The following CACUL1 variants were observed in gnomAD, a reference collection of about 807,000 sequenced individuals.
The protein encoded by CACUL1 is CDK2 associated cullin domain 1, also known as CDK2-associated and cullin domain-containing protein 1.
Under a neutral mutation model 45.2 loss-of-function variants are expected in CACUL1, and 13 were observed. That is an observed-to-expected ratio of 0.29 (90% confidence interval 0.19 to 0.46). The LOEUF (loss-of-function observed/expected upper bound fraction) is 0.46. Ranked by LOEUF, CACUL1 falls within the 20% of genes least tolerant of loss-of-function variation. CACUL1 has a pLI of 1.00. For synonymous variants in CACUL1, 197 were observed against 174.2 expected (o/e 1.13, Z -1.03); for missense variants, 421 against 471.4 (o/e 0.89, Z 0.99).
chr10:118,730,529 C>G (rs1845687825), intron 1 of CACUL1, 119 bp from the exon 2 acceptor site: 1 of 934,254 alleles, frequency 1.1e-6, no homozygotes, highest in African/African-American at 1.7e-5. Context: ...CACTGACACT[C>G]TATCACCTAA....
chr10:118,724,592 T>C lies in CACUL1; in HGVS notation c.597+4703A>G, dbSNP rs140198104. Among the ~76,000 whole-genome samples the C allele has an allele frequency of 4.0e-3, 615 of 152,306 alleles. 7 individuals are homozygous for C. The highest frequency in any genetic ancestry group is 0.014 in the African/African-American group (595 of 41,576). On this transcript the variant is annotated intron_variant, in intron 3 of 8. Coordinates refer to ENST00000369151, the MANE Select transcript of CACUL1 (RefSeq NM_153810.5). ...GGAAAGCAATAAATAGTATTTTAGA[T>C]TTTTGAACAAGAAAGTATGTCTATC... is the stretch of plus-strand genomic sequence containing the variant.
chr10:118,739,480 G>A (rs1370893908), intron 1 of CACUL1, among the ~76,000 whole-genome samples: 1 of 152,154 alleles, frequency 6.6e-6, no homozygotes, highest in Non-Finnish European at 1.5e-5. Context: ...AGTTAATGAA[G>A]CAATACTTTT....
At chr10:118,702,990 G>A (rs1328202694) in intron 4 of CACUL1, among the ~76,000 whole-genome samples, 1 of 151,826 alleles carries the variant, frequency 6.6e-6, no homozygotes, top group Non-Finnish European at 1.5e-5. Context: ...AATTTTTTTT[G>A]GAGATAGTGT....
At chr10:118,695,353 A>G (rs1295275261) in intron 5 of CACUL1, 123 bp from the exon 6 acceptor site, 1 of 639,922 alleles carries the variant, frequency 1.6e-6, no homozygotes, top group Non-Finnish European at 2.9e-6. Context: ...AGTCCAATAA[A>G]CCAATCAAAT....
intron 5 of CACUL1, among the ~76,000 whole-genome samples, chr10:118,699,923 C>T (rs920678735): frequency 1.3e-5 from 2 of 152,112 alleles, no homozygotes; most frequent in African/African-American, 2.4e-5. Context: ...GCTGGGATTA[C>T]AGGCGTGAGC....
rs143064838 is a variant in CACUL1 at position 118,739,981 on chromosome 10, C to T, written c.368-9571G>A. 3.7e-3 allele frequency among the ~76,000 whole-genome samples: 567 copies of T among 152,138 alleles called. 2 individuals are homozygous for T. The highest frequency in any genetic ancestry group is 0.013 in the African/African-American group (544 of 41,496). On this transcript the variant is annotated intron_variant, in intron 1 of 8. Coordinates refer to ENST00000369151, the MANE Select transcript of CACUL1 (RefSeq NM_153810.5). Reference sequence around the variant, plus strand: ...CCAACATGGTGAAACCCCGTCTCTACTAAAAGTACAAAAAAATTAGCTGGG... The same window carrying T: ...CCAACATGGTGAAACCCCGTCTCTATTAAAAGTACAAAAAAATTAGCTGGG...
chr10:118,742,973 G>A (rs952097216), intron 1 of CACUL1, among the ~76,000 whole-genome samples: 1 of 152,118 alleles, frequency 6.6e-6, no homozygotes, highest in Non-Finnish European at 1.5e-5. Context: ...ACTTACTAAA[G>A]ATTCTTTATT....
chr10:118,695,706 G>A (rs1385108075), intron 5 of CACUL1, among the ~76,000 whole-genome samples: 1 of 152,170 alleles, frequency 6.6e-6, no homozygotes, highest in African/African-American at 2.4e-5. Flanking sequence ...AGAGCTAAGG[G>A]CAAGGGATGA....
At chr10:118,689,838 A>C (rs1255341789) in intron 7 of CACUL1, among the ~76,000 whole-genome samples, 1 of 152,224 alleles carries the variant, frequency 6.6e-6, no homozygotes, top group Non-Finnish European at 1.5e-5. Context: ...ATATTCCTAT[A>C]CTGCTTCACA....
At chr10:118,712,492 G>C (rs185605107) in intron 3 of CACUL1, among the ~76,000 whole-genome samples, 1 of 152,360 alleles carries the variant, frequency 6.6e-6, no homozygotes, top group East Asian at 1.9e-4. Flanking sequence ...AACTCTTTTA[G>C]CCTTGCCATT....
At chr10:118,749,548 G>A (rs1360673198) in intron 1 of CACUL1, among the ~76,000 whole-genome samples, 3 of 152,210 alleles carry the variant, frequency 2.0e-5, no homozygotes, top group African/African-American at 7.2e-5. Flanking sequence ...CCTATTCACA[G>A]ACACAGAAAT....
At chr10:118,727,983 T>C (rs1845666509) in intron 3 of CACUL1, among the ~76,000 whole-genome samples, 1 of 152,210 alleles carries the variant, frequency 6.6e-6, no homozygotes, top group Non-Finnish European at 1.5e-5. Context: ...GCCTAAGCAC[T>C]AAACATATGT....
chr10:118,740,025 T>C (rs1439465711), intron 1 of CACUL1, among the ~76,000 whole-genome samples: 1 of 152,110 alleles, frequency 6.6e-6, no homozygotes, highest in Non-Finnish European at 1.5e-5. Flanking sequence ...CATGCGCCTA[T>C]AATCCCAGCT....
chr10:118,724,564 T>C (rs1845634940), intron 3 of CACUL1, among the ~76,000 whole-genome samples: 1 of 152,118 alleles, frequency 6.6e-6, no homozygotes, highest in African/African-American at 2.4e-5. Context: ...TGTGATTAAT[T>C]AAGGAAAGCA....
At chr10:118,715,187 CTGCGAAA>C (rs1415578467) in intron 3 of CACUL1, among the ~76,000 whole-genome samples, 1 of 152,104 alleles carries the variant, frequency 6.6e-6, no homozygotes, top group Non-Finnish European at 1.5e-5. Flanking sequence ...ATAGTGAAAT[CTGCGAAA>C]TACCACTAAA....
chr10:118,721,169 AAT>A (rs1396754288), intron 3 of CACUL1, among the ~76,000 whole-genome samples: 1 of 152,232 alleles, frequency 6.6e-6, no homozygotes, highest in Non-Finnish European at 1.5e-5. Context: ...AAAAATTTCA[AAT>A]GACCGTACAC....
intron 6 of CACUL1, 81 bp downstream of exon 6, chr10:118,695,060 A>G: frequency 1.2e-6 from 1 of 868,408 alleles, no homozygotes; most frequent in South Asian, 1.4e-5. Context: ...TAAGCCTCAC[A>G]AAACACATAC....
chr10:118,749,040 A>G (rs1218405288), intron 1 of CACUL1, among the ~76,000 whole-genome samples: 2 of 152,106 alleles, frequency 1.3e-5, no homozygotes, highest in African/African-American at 4.8e-5. Flanking sequence ...AGGAATATAA[A>G]TTTGTCATGT....
intron 1 of CACUL1, among the ~76,000 whole-genome samples, chr10:118,736,306 G>A (rs954020572): frequency 6.6e-6 from 1 of 152,138 alleles, no homozygotes; most frequent in African/African-American, 2.4e-5. Flanking sequence ...AGTTATTACA[G>A]AGAAGCCGAA....
Sources: allele counts gnomAD v4.1 joint callset (sites outside exome capture counted in the v4.1 genomes callset), GRCh38; gene constraint gnomAD v4.1.1; transcripts MANE v1.5; gene names NCBI Gene and HGNC (gene_info 2026-07-23, HGNC 2026-07-21).